KIF25: variants seen among roughly 807,000 people sequenced by gnomAD.
KIF25 encodes kinesin family member 25.
In KIF25, 19 loss-of-function variants were observed where a neutral mutation model predicts 32.9. The observed-to-expected ratio is 0.58, with a 90% CI of 0.40 to 0.85. The LOEUF (loss-of-function observed/expected upper bound fraction) is 0.85. Among genes scored for constraint, KIF25 ranks in the 40% least tolerant of loss-of-function variants. The pLI is 0.00. For synonymous variants in KIF25, 225 were observed against 213.7 expected, an observed-to-expected ratio of 1.05 and a Z score of -0.46; for missense variants, 485 against 507.0, an observed-to-expected ratio of 0.96 and a Z score of 0.42.
chr6:168,018,240 C>T (rs920883717), intron 5 of KIF25, among the ~76,000 whole-genome samples, 200 bp downstream of exon 5: 6 of 152,166 alleles, frequency 3.9e-5, no homozygotes, highest in Non-Finnish European at 5.9e-5. Context: ...CACTATGTCT[C>T]GAGTGCCCAT....
intron 4 of KIF25, among the ~76,000 whole-genome samples, chr6:168,014,756 T>TG (rs1381729488): frequency 2.6e-5 from 4 of 152,254 alleles, no homozygotes; most frequent in African/African-American, 9.6e-5. Context: ...CCCTAGTTCC[T>TG]GGTAGCTGTC....
rs180842471 is a variant in KIF25, at chr6:168,003,149, C to T, written c.-252-465C>T. On this transcript the variant is annotated intron_variant, in intron 3 of 12. Transcript: ENST00000643607. The stretch of plus-strand genomic sequence containing the variant: ...TCTGTATCACCACCGCTCTAAACTG[C>T]GCATGAAGGAGATATTTAAGCGTTC... Among the ~76,000 whole-genome samples the T allele has an allele frequency of 1.4e-4, 21 of 152,152 alleles. No individual in the cohort carries two copies. In the East Asian group the frequency reaches 3.1e-3, roughly 22 times the overall value.
intron 5 of KIF25, among the ~76,000 whole-genome samples, chr6:168,020,551 A>T (rs1732220692): frequency 6.6e-6 from 1 of 152,336 alleles, no homozygotes; most frequent in Admixed American, 6.5e-5. Flanking sequence ...ACACATGCAG[A>T]CATAAAATGC....
At chr6:168,028,079 C>T (rs1014588065) in intron 5 of KIF25, among the ~76,000 whole-genome samples, 1 of 152,164 alleles carries the variant, frequency 6.6e-6, no homozygotes, top group African/African-American at 2.4e-5. Flanking sequence ...TTTCATTAAA[C>T]TCGTGGTCTG....
intron 4 of KIF25, among the ~76,000 whole-genome samples, chr6:168,007,866 G>T (rs1342778047): frequency 6.6e-6 from 1 of 152,122 alleles, no homozygotes; most frequent in Non-Finnish European, 1.5e-5. Flanking sequence ...CTTAATCTTA[G>T]GATCCATCTT....
rs2114859335 is a variant in KIF25, at chr6:167,998,881, T to G, written c.-599+11T>G. 1 of 152,202 alleles carries G rather than the reference T, an allele frequency of 6.6e-6. No homozygotes were observed. Among genetic ancestry groups the G allele is most frequent in the African/African-American group, 2.4e-5 (1 of 41,530 alleles). 9.4% of individuals were successfully genotyped at this position (152,202 alleles called of 1,614,324 possible). ...AGCTTGGCCAACATGGTAAAAACCC[T>G]TCTGTACTAAAAATACAAAAATTAG... is the stretch of plus-strand genomic sequence containing the variant. On this transcript the variant is annotated intron_variant, in intron 1 of 12. Transcript: ENST00000643607.
At chr6:168,006,930 C>T (rs1291224720) in intron 4 of KIF25, among the ~76,000 whole-genome samples, 1 of 152,192 alleles carries the variant, frequency 6.6e-6, no homozygotes, top group East Asian at 1.9e-4. Context: ...TTTAAAATTG[C>T]TCTTACTATG....
In KIF25 at chr6:168,042,648, T is replaced by C; in HGVS notation, c.917T>C (p.Leu306Ser). Residue 306 changes from leucine to serine, a missense_variant, in exon 12 of 13, where the codon TTG (leucine) becomes TCG (serine). Leu to Ser is a moderately radical substitution (Grantham distance 145, BLOSUM62 -2). This residue lies in a region of KIF25 where 480 missense variants were observed against 470.3 expected (regional missense o/e 1.02). Transcript: ENST00000643607. ...LAALAGVLGALLEHRGHAPYR... is the reference protein window; with the variant it reads ...LAALAGVLGASLEHRGHAPYR... The stretch of plus-strand genomic sequence containing the variant: ...GCCCTGGCAGGCGTCCTGGGGGCTT[T>C]GTTGGAGCACCGTGGCCATGCCCCG... 3 of 1,613,848 alleles carry C rather than the reference T, an allele frequency of 1.9e-6. No individual in the cohort carries two copies. The highest frequency in any genetic ancestry group is 2.5e-6 in the Non-Finnish European group (3 of 1,180,018).
intron 2 of KIF25, among the ~76,000 whole-genome samples, chr6:168,000,347 G>A (rs13194796): frequency 4.8e-3 from 119 of 24,916 alleles, no homozygotes; most frequent in Admixed American, 6.1e-3. Context: ...ACCACACCTG[G>A]CCCTCCCCAC....
At chr6:168,036,998 G>T (rs1182643714) in intron 8 of KIF25, among the ~76,000 whole-genome samples, 1 of 152,150 alleles carries the variant, frequency 6.6e-6, no homozygotes, top group Non-Finnish European at 1.5e-5. Context: ...GGTGGCAGAG[G>T]TTGCAGTGAG....
intron 4 of KIF25, among the ~76,000 whole-genome samples, chr6:168,005,127 G>A (rs1798561826): frequency 6.6e-6 from 1 of 152,012 alleles, no homozygotes; most frequent in East Asian, 1.9e-4. Flanking sequence ...TGCACGAGCC[G>A]ACTGTCACAG....
At chr6:168,027,070 C>T (rs900296164) in intron 5 of KIF25, among the ~76,000 whole-genome samples, 2 of 152,144 alleles carry the variant, frequency 1.3e-5, no homozygotes, top group Non-Finnish European at 2.9e-5. Context: ...AAGCCACCAA[C>T]ACAGCAGTGG....
intron 5 of KIF25, among the ~76,000 whole-genome samples, chr6:168,024,289 G>A (rs913116695): frequency 1.3e-5 from 2 of 152,062 alleles, no homozygotes; most frequent in African/African-American, 2.4e-5. Context: ...GCAAACACTT[G>A]TGGAACTTTG....
intron 5 of KIF25, among the ~76,000 whole-genome samples, chr6:168,021,770 G>T (rs74819511): frequency 0.013 from 2,019 of 152,260 alleles, 49 homozygotes; most frequent in African/African-American, 0.046. Flanking sequence ...GCATTTTATC[G>T]AAGTCTGGTA....
intron 4 of KIF25, among the ~76,000 whole-genome samples, chr6:168,004,439 T>C (rs919126501): frequency 4.6e-5 from 7 of 152,188 alleles, no homozygotes; most frequent in African/African-American, 1.7e-4. Flanking sequence ...ATTAATTTTT[T>C]GGGTGCTAGA....
chr6:168,013,462 T>A (rs748583085), intron 4 of KIF25, among the ~76,000 whole-genome samples: 4 of 151,834 alleles, frequency 2.6e-5, no homozygotes, highest in Non-Finnish European at 5.9e-5. Flanking sequence ...TGGTTTCCAT[T>A]CCCCAGAGCA....
chr6:168,026,181 CA>C (rs1362437482), intron 5 of KIF25, among the ~76,000 whole-genome samples: 2 of 152,184 alleles, frequency 1.3e-5, no homozygotes, highest in Non-Finnish European at 2.9e-5. Flanking sequence ...CAGGCAAGGG[CA>C]CTGTGGTGGG....
At chr6:168,023,500 T>G (rs1023571640) in intron 5 of KIF25, among the ~76,000 whole-genome samples, 1 of 152,178 alleles carries the variant, frequency 6.6e-6, no homozygotes, top group South Asian at 2.1e-4. Flanking sequence ...ACTCCTGACC[T>G]CAAGTGATCG....
At chr6:168,033,751 T>A in intron 7 of KIF25, 131 bp from the exon 8 acceptor site, 4 of 963,618 alleles carry the variant, frequency 4.2e-6, no homozygotes, top group Non-Finnish European at 4.6e-6. Flanking sequence ...AAACCTAATT[T>A]ATAAGAAATG....
Sources: allele counts gnomAD v4.1 joint callset (sites outside exome capture counted in the v4.1 genomes callset), GRCh38; gene constraint gnomAD v4.1.1; regional missense constraint gnomAD v4.1.1; transcripts MANE v1.5; gene names NCBI Gene and HGNC (gene_info 2026-07-23, HGNC 2026-07-21).